WDHD1: variants seen among roughly 807,000 people sequenced by gnomAD.
The protein encoded by WDHD1 is WD repeat and HMG-box DNA binding protein 1.
In WDHD1, 111 loss-of-function variants were observed where a neutral mutation model predicts 135.4. That is an observed-to-expected ratio of 0.82 (90% CI 0.70 to 0.96). The LOEUF is 0.96. WDHD1 is among the 40% of genes least tolerant of loss of function. The pLI, the probability that WDHD1 is intolerant of heterozygous loss-of-function variation, is 0.00. For synonymous variants in WDHD1, 434 were observed against 439.0 expected (o/e 0.99, Z 0.14); for missense variants, 1,351 against 1,336.3 (o/e 1.01, Z -0.17).
chr14:54,955,616 T>C lies in WDHD1; in HGVS notation c.2995A>G (p.Asn999Asp). Residue 999 changes from asparagine to aspartate, a missense_variant, in exon 24 of 26, where the codon AAT (asparagine) becomes GAT (aspartate). Coordinates refer to ENST00000360586, the MANE Select transcript of WDHD1 (RefSeq NM_007086.4). ...TEEVKEENLK[N>D]VLSETPAICP... The stretch of plus-strand genomic sequence containing the variant: ...ATAGCTGGGGTTTCAGATAATACAT[T>C]TTTAAGATTTTCTTCTTTCACTTCC... The C allele has an allele frequency of 6.3e-7, 1 of 1,594,298 alleles. No homozygotes were observed. Among genetic ancestry groups the C allele is most frequent in the Non-Finnish European group, 8.5e-7 (1 of 1,173,124 alleles).
chr14:54,944,364 G>A lies in WDHD1; in HGVS notation c.3157C>T (p.Arg1053Ter), dbSNP rs201769435. The A allele has an allele frequency of 2.0e-4, 316 of 1,606,784 alleles. No individual in the cohort carries two copies. The highest frequency in any genetic ancestry group is 2.6e-4 in the Non-Finnish European group (312 of 1,178,486). ...TCTTCAGTTGACAATACTCTAAATC[G>A]AATCATTCCTTCTTTTATTATGTCT... ...EADIIKEGMI[R>*]FRVLSTEERK... Residue 1053 changes from arginine (R) to a stop codon, truncating the protein, a stop_gained, in exon 25 of 26, where the codon CGA (arginine) becomes TGA (stop). Coordinates refer to ENST00000360586, the MANE Select transcript of WDHD1 (RefSeq NM_007086.4). LOFTEE classifies it high-confidence loss of function.
chr14:54,993,479 C>T (rs2041824511), intron 11 of WDHD1, among the ~76,000 whole-genome samples: 1 of 152,188 alleles, frequency 6.6e-6, no homozygotes, highest in African/African-American at 2.4e-5. Context: ...TCAGATTACA[C>T]TTTGCAAGTA....
Position 54,988,942 on chromosome 14 carries a change from GT to G in WDHD1, c.1526+85del, listed in dbSNP as rs1294269604. On this transcript the variant is annotated intron_variant, in intron 13 of 25. Transcript: ENST00000360586. ...TTTCATATTACAAAAAATAAATTTTGTTTTATTAACTTTTTGTCTTTAATTT... is the reference window on the plus strand; with the variant it reads ...TTTCATATTACAAAAAATAAATTTTGTTTATTAACTTTTTGTCTTTAATTT... The G allele has an allele frequency of 3.4e-5, 43 of 1,254,796 alleles. No individual in the cohort carries two copies. In the East Asian group the frequency reaches 9.8e-4, roughly 29 times the overall value. 77.7% of individuals were successfully genotyped at this position (1,254,796 alleles called of 1,614,324 possible).
chr14:54,959,589 C>T (rs2041216294), intron 21 of WDHD1, among the ~76,000 whole-genome samples: 1 of 152,088 alleles, frequency 6.6e-6, no homozygotes, highest in African/African-American at 2.4e-5. Context: ...AAAGCAAGCT[C>T]CTCTCTCTAC....
intron 8 of WDHD1, among the ~76,000 whole-genome samples, chr14:55,001,703 T>C (rs548599398): frequency 6.6e-6 from 1 of 152,364 alleles, no homozygotes; most frequent in East Asian, 1.9e-4. Flanking sequence ...ATTGCTGACC[T>C]ACTGGGCTTA....
At chr14:54,994,622 G>A (rs55704705) in intron 11 of WDHD1, among the ~76,000 whole-genome samples, 27,408 of 151,824 alleles carry the variant, frequency 0.18, 2,554 homozygotes, top group Admixed American at 0.22. Context: ...TTAGCCAGGC[G>A]TGGTGGCGCA....
intron 16 of WDHD1, among the ~76,000 whole-genome samples, chr14:54,976,708 T>C (rs1395276420): frequency 6.6e-6 from 1 of 151,956 alleles, no homozygotes; most frequent in Non-Finnish European, 1.5e-5. Context: ...CTTCCAATCT[T>C]TGAAAAATAT....
chr14:54,987,479 C>T (rs114858242), intron 13 of WDHD1, 92 bp from the exon 14 acceptor site: 1 of 1,200,392 alleles, frequency 8.3e-7, no homozygotes, highest in Non-Finnish European at 1.1e-6. Flanking sequence ...AACAAAAAAA[C>T]CAAATAGTTT....
Position 54,987,226 on chromosome 14 carries a change from T to A in WDHD1, c.1688A>T (p.Gln563Leu). 6.2e-7 allele frequency: 1 copy of A among 1,614,190 alleles called. No individual in the cohort carries two copies. Among genetic ancestry groups the A allele is most frequent in the Non-Finnish European group, 8.5e-7 (1 of 1,180,032 alleles). ...LLRLFTIGGV[Q>L]KEVFSLAGPV... The stretch of plus-strand genomic sequence containing the variant: ...TCCAGCAAGGCTGAATACCTCTTTT[T>A]GAACCCCTCCAATAGTAAACAATCG... Residue 563 changes from glutamine to leucine, a missense_variant, in exon 14 of 26, where the codon CAA (glutamine) becomes CTA (leucine). Gln to Leu is a moderately radical substitution (Grantham distance 113). This residue lies in a region of WDHD1 where 1,330 missense variants were observed against 1,296.1 expected (regional missense o/e 1.03). Coordinates refer to ENST00000360586, the MANE Select transcript of WDHD1 (RefSeq NM_007086.4).
rs1425955643 is a variant in WDHD1, at chr14:54,963,134, T to A, written c.2349A>T (p.Glu783Asp). 1 of 1,334,266 alleles carries A rather than the reference T, an allele frequency of 7.5e-7. No individual in the cohort carries two copies. The highest frequency in any genetic ancestry group is 1.7e-5 in the African/African-American group (1 of 59,036). The allele number at this position is 1,334,266 out of a possible 1,614,324, so 82.7% of individuals were successfully genotyped here. ...CATTTTGAGTCATTAGATCAGCAAGTTCCACACAACGGAATTCTCGCTCCA... is the reference window on the plus strand; with the variant it reads ...CATTTTGAGTCATTAGATCAGCAAGATCCACACAACGGAATTCTCGCTCCA... ...CKLEREFRCV[E>D]LADLMTQNAV... The change falls in exon 19 of 26, where the codon GAA becomes GAT. Residue 783 changes from glutamate (E) to aspartate (D), a missense_variant. This residue lies in a region of WDHD1 where 1,330 missense variants were observed against 1,296.1 expected (regional missense o/e 1.03). Coordinates refer to ENST00000360586, the MANE Select transcript of WDHD1 (RefSeq NM_007086.4).
rs534765208 is a variant in WDHD1, at chr14:54,939,549, C to T, written c.*1941G>A. The T allele has an allele frequency of 6.7e-6, 1 of 149,864 alleles. No individual in the cohort carries two copies. Among genetic ancestry groups the T allele is most frequent in the Admixed American group, 6.7e-5 (1 of 14,966 alleles). The allele number at this position is 149,864 out of a possible 1,614,324, so 9.3% of individuals were successfully genotyped here. On this transcript the variant is annotated 3_prime_UTR_variant, in exon 26 of 26. Coordinates refer to ENST00000360586, the MANE Select transcript of WDHD1 (RefSeq NM_007086.4). ...TGATGATTAATAATTAATTTATTTCCATTTTCACTTTCATACTATTCAGTC... is the reference window on the plus strand; with the variant it reads ...TGATGATTAATAATTAATTTATTTCTATTTTCACTTTCATACTATTCAGTC...
At chr14:54,990,684 T>A (rs2041771453) in intron 12 of WDHD1, among the ~76,000 whole-genome samples, 1 of 152,036 alleles carries the variant, frequency 6.6e-6, no homozygotes, top group Admixed American at 6.6e-5. Context: ...ATGTGCACTG[T>A]ATCATACCTT....
chr14:55,000,704 CT>C, intron 9 of WDHD1, 60 bp from the exon 10 acceptor site: 1 of 1,353,162 alleles, frequency 7.4e-7, no homozygotes, highest in South Asian at 2.2e-5. Context: ...TTGTACATTT[CT>C]TTAGGTAAAT....
Position 54,981,697 on chromosome 14 carries a change from C to T in WDHD1, c.1907-1G>A, listed in dbSNP as rs1355517605. ...TCTGAATCCACGTAACAAGGGGTAC[C>T]TAAACACCAACAGAAAAATCACTTG... On this transcript the variant is annotated splice_acceptor_variant, in intron 15 of 25. Coordinates refer to ENST00000360586, the MANE Select transcript of WDHD1 (RefSeq NM_007086.4). LOFTEE classifies it high-confidence loss of function. 1 of 1,599,196 alleles carries T rather than the reference C, an allele frequency of 6.3e-7. No individual in the cohort carries two copies. Among genetic ancestry groups the T allele is most frequent in the Non-Finnish European group, 8.6e-7 (1 of 1,168,068 alleles).
chr14:55,005,691 G>T, intron 7 of WDHD1: 1 of 487,736 alleles, frequency 2.1e-6, no homozygotes, highest in South Asian at 1.8e-5. Flanking sequence ...TAGACATTGT[G>T]AAAGTTTCCC....
intron 3 of WDHD1, 61 bp downstream of exon 3, chr14:55,013,424 C>T: frequency 8.7e-7 from 1 of 1,152,776 alleles, no homozygotes; most frequent in Non-Finnish European, 1.3e-6. Context: ...TTTTTTCACT[C>T]AAGCATAAAA....
chr14:55,022,852 T>A (rs1212189168), intron 2 of WDHD1, among the ~76,000 whole-genome samples: 1 of 149,846 alleles, frequency 6.7e-6, no homozygotes, highest in Non-Finnish European at 1.5e-5. Context: ...GAGATGGAGT[T>A]TCGCTCTTGA....
intron 16 of WDHD1, among the ~76,000 whole-genome samples, chr14:54,981,226 T>C (rs2041614347): frequency 1.3e-5 from 2 of 152,236 alleles, no homozygotes; most frequent in South Asian, 4.1e-4. Flanking sequence ...TTAACTTTTA[T>C]ATTTATTGTT....
chr14:54,966,399 T>C (rs1347783195), intron 18 of WDHD1, 76 bp downstream of exon 18: 5 of 1,497,964 alleles, frequency 3.3e-6, no homozygotes, highest in Non-Finnish European at 4.4e-6. Flanking sequence ...TTAGTCCTAA[T>C]GCACAGACCT....
Sources: gnomAD v4.1 joint callset for allele counts (sites outside exome capture counted in the v4.1 genomes callset) on GRCh38, gnomAD v4.1.1 for gene constraint, gnomAD v4.1.1 regional missense constraint, MANE v1.5 for transcripts, NCBI Gene and HGNC (gene_info 2026-07-23, HGNC 2026-07-21) for gene names.